The following PDZRN3 variants were observed in gnomAD, a reference collection of about 807,000 sequenced individuals.
PDZRN3 encodes the protein PDZ domain containing ring finger 3.
A neutral mutation model predicts 85.7 loss-of-function variants in PDZRN3; 38 were observed. That is an observed-to-expected ratio of 0.44 (90% CI 0.34 to 0.58). The LOEUF is 0.58. Among genes scored for constraint, PDZRN3 ranks in the 20% least tolerant of loss-of-function variants. The pLI is 0.01. For synonymous variants in PDZRN3, 759 were observed against 638.0 expected (o/e 1.19, Z -2.86); for missense variants, 1,629 against 1,506.4 (o/e 1.08, Z -1.35).
intron 3 of PDZRN3, among the ~76,000 whole-genome samples, chr3:73,438,539 G>A (rs139096693): frequency 6.6e-6 from 1 of 152,240 alleles, no homozygotes; most frequent in Admixed American, 6.5e-5. Flanking sequence ...TGGCAGGACT[G>A]AGGAGGAAAC....
intron 3 of PDZRN3, among the ~76,000 whole-genome samples, chr3:73,479,371 G>C (rs999525114): frequency 3.4e-5 from 5 of 146,920 alleles, no homozygotes; most frequent in African/African-American, 7.7e-5. Context: ...CTTTTTGCCA[G>C]CATACACCTT....
At chr3:73,573,218 T>C (rs1179991549) in intron 3 of PDZRN3, among the ~76,000 whole-genome samples, 2 of 152,158 alleles carry the variant, frequency 1.3e-5, no homozygotes, top group African/African-American at 4.8e-5. Context: ...CTAGGCAAGA[T>C]CTCCAGGGCC....
At chr3:73,416,459 T>A (rs966222676) in intron 3 of PDZRN3, among the ~76,000 whole-genome samples, 1 of 151,948 alleles carries the variant, frequency 6.6e-6, no homozygotes, top group Non-Finnish European at 1.5e-5. Flanking sequence ...CTTTCTGTAA[T>A]GGGCTCTGGA....
intron 3 of PDZRN3, among the ~76,000 whole-genome samples, chr3:73,552,458 T>G (rs1053860980): frequency 6.6e-6 from 1 of 152,176 alleles, no homozygotes; most frequent in Admixed American, 6.5e-5. Context: ...TCATTCCTCA[T>G]GACCCTGTAA....
rs367867225 is a variant in PDZRN3, at chr3:73,388,054, C to T, written c.1432G>A (p.Val478Met). 2 of 1,493,588 alleles carry T rather than the reference C, an allele frequency of 1.3e-6. No individual in the cohort carries two copies. The highest frequency in any genetic ancestry group is 1.8e-6 in the Non-Finnish European group (2 of 1,094,692). The allele number at this position is 1,493,588 out of a possible 1,614,324, so 92.5% of individuals were successfully genotyped here. A position where few individuals can be genotyped will look rare whatever the true frequency, so the allele number is the denominator to read the frequency against. ...DRIIQINGIEVQNREEAVALL... is the reference protein window; with the variant it reads ...DRIIQINGIEMQNREEAVALL... ...GCCACAGCCTCTTCACGGTTCTGCA[C>T]CTCTATCCCATTAATCTTTTAAAAA... Residue 478 changes from valine to methionine, a missense_variant, in exon 8 of 10, where the codon GTG becomes ATG. Coordinates refer to ENST00000263666, the MANE Select transcript of PDZRN3 (RefSeq NM_015009.3).
chr3:73,508,404 G>C (rs1188877232), intron 3 of PDZRN3, among the ~76,000 whole-genome samples: 1 of 152,206 alleles, frequency 6.6e-6, no homozygotes, highest in East Asian at 1.9e-4. Flanking sequence ...CCCTGGGAGT[G>C]AAAGAAGAAA....
intron 3 of PDZRN3, among the ~76,000 whole-genome samples, chr3:73,588,068 T>A: frequency 6.6e-6 from 1 of 152,214 alleles, no homozygotes; most frequent in Non-Finnish European, 1.5e-5. Context: ...TGACCTGTCC[T>A]CTAAGTTCCC....
At chr3:73,461,076 G>A (rs1376806714) in intron 3 of PDZRN3, among the ~76,000 whole-genome samples, 1 of 152,146 alleles carries the variant, frequency 6.6e-6, no homozygotes, top group African/African-American at 2.4e-5. Context: ...TTACAGGCAT[G>A]AGCCACCGTA....
chr3:73,454,401 G>A (rs565878470), intron 3 of PDZRN3, among the ~76,000 whole-genome samples: 78 of 152,266 alleles, frequency 5.1e-4, no homozygotes, highest in African/African-American at 1.8e-3. Flanking sequence ...CCTGAGCAGG[G>A]TGAGGCCCTG....
intron 4 of PDZRN3, chr3:73,402,459 C>G (rs1166198720): frequency 6.6e-6 from 1 of 152,264 alleles, no homozygotes; most frequent in Admixed American, 6.5e-5. Context: ...TTTCCATCAG[C>G]TCAGTGGAAC....
rs1412191861 is a variant in PDZRN3 at position 73,596,788 on chromosome 3, A to G, written c.918+5566T>C. The stretch of plus-strand genomic sequence containing the variant: ...ATATGAAAATGGAATACAACCCATG[A>G]CAGTGGTTTTATTTTGCTATAAAGG... On this transcript the variant is annotated intron_variant, in intron 3 of 9. Coordinates refer to ENST00000263666, the MANE Select transcript of PDZRN3 (RefSeq NM_015009.3). Among the ~76,000 whole-genome samples the G allele has an allele frequency of 3.9e-5, 6 of 152,348 alleles. No individual in the cohort carries two copies. In the East Asian group the frequency reaches 9.6e-4, roughly 24 times the overall value.
At chr3:73,412,346 G>A (rs1041842310) in intron 3 of PDZRN3, among the ~76,000 whole-genome samples, 1 of 152,168 alleles carries the variant, frequency 6.6e-6, no homozygotes, top group African/African-American at 2.4e-5. Flanking sequence ...GAGTCTAGAA[G>A]GCTGGCTACA....
intron 3 of PDZRN3, among the ~76,000 whole-genome samples, chr3:73,472,722 A>C (rs1575676983): frequency 6.6e-6 from 1 of 152,336 alleles, no homozygotes; most frequent in Non-Finnish European, 1.5e-5. Flanking sequence ...TAAACCTTCA[A>C]TCTTCATTAT....
intron 3 of PDZRN3, chr3:73,569,291 T>C (rs1702006924): frequency 8.0e-7 from 1 of 1,248,332 alleles, no homozygotes; most frequent in Non-Finnish European, 1.0e-6. Flanking sequence ...AAGACTGAGA[T>C]ACTGAGATTC....
chr3:73,430,780 A>G (rs1702415340), intron 3 of PDZRN3, among the ~76,000 whole-genome samples: 1 of 152,184 alleles, frequency 6.6e-6, no homozygotes, highest in African/African-American at 2.4e-5. Flanking sequence ...CATTACTCCC[A>G]GAACATGAGA....
At chr3:73,469,996 T>A (rs981598580) in intron 3 of PDZRN3, among the ~76,000 whole-genome samples, 1 of 152,204 alleles carries the variant, frequency 6.6e-6, no homozygotes, top group African/African-American at 2.4e-5. Flanking sequence ...ACCCACTAGA[T>A]GCTAGTTGTC....
intron 1 of PDZRN3, among the ~76,000 whole-genome samples, chr3:73,610,866 G>A (rs1426708075): frequency 6.6e-6 from 1 of 152,172 alleles, no homozygotes; most frequent in African/African-American, 2.4e-5. Flanking sequence ...AATGATAACA[G>A]CTAACATTTA....
intron 3 of PDZRN3, among the ~76,000 whole-genome samples, chr3:73,419,543 C>T (rs889984935): frequency 1.3e-5 from 2 of 152,178 alleles, no homozygotes; most frequent in Admixed American, 1.3e-4. Context: ...TCTTTAGTTG[C>T]TTTAGGCAAC....
At chr3:73,619,683 G>C (rs903495528) in intron 1 of PDZRN3, among the ~76,000 whole-genome samples, 3 of 152,186 alleles carry the variant, frequency 2.0e-5, no homozygotes, top group African/African-American at 7.2e-5. Flanking sequence ...AGAGACATGA[G>C]AAGCTGAAAG....
Sources: allele counts gnomAD v4.1 joint callset (sites outside exome capture counted in the v4.1 genomes callset), GRCh38; gene constraint gnomAD v4.1.1; transcripts MANE v1.5; gene names NCBI Gene and HGNC (gene_info 2026-07-23, HGNC 2026-07-21).